The following RANBP17 variants were observed in gnomAD, a reference collection of about 807,000 sequenced individuals.
The protein encoded by RANBP17 is ran-binding protein 17.
RANBP17 carries 158 observed loss-of-function variants against 141.2 expected under a neutral mutation model. That is an observed-to-expected ratio of 1.12 (90% CI 0.98 to 1.28). The LOEUF (loss-of-function observed/expected upper bound fraction) is 1.28, where lower values mean the gene tolerates loss of function less well. RANBP17 is among the 50% of genes most tolerant of loss of function. The probability of loss-of-function intolerance (pLI) is 0.00; values close to 1 mark genes in which losing one functional copy is unlikely to be tolerated. For synonymous variants in RANBP17, 430 were observed against 450.0 expected (o/e 0.96, Z 0.56); for missense variants, 1,438 against 1,290.7 (o/e 1.11, Z -1.75).
chr5:170,918,851 A>G lies in RANBP17; in HGVS notation c.1093A>G (p.Ser365Gly), dbSNP rs1772196199. 6.4e-7 allele frequency: 1 copy of G among 1,572,858 alleles called. No individual in the cohort carries two copies. The highest frequency in any genetic ancestry group is 1.8e-5 in the Admixed American group (1 of 54,972). Residue 365 changes from serine (S) to glycine (G), a missense_variant, in exon 10 of 28, where the codon AGC becomes GGC. Physicochemically the swap from Ser to Gly is moderately conservative, Grantham distance 56. Coordinates refer to ENST00000523189, the MANE Select transcript of RANBP17 (RefSeq NM_022897.5). The stretch of plus-strand genomic sequence containing the variant: ...ATTGATTGCTAATTTTACCATTACT[A>G]GCCTACAGGTAGGTAAAAATATGTA... The part of the protein sequence containing the change: ...IRLIANFTIT[S>G]LQHWEFAPNS...
chr5:171,061,336 T>C (rs113577748), intron 14 of RANBP17, among the ~76,000 whole-genome samples: 75 of 152,168 alleles, frequency 4.9e-4, no homozygotes, highest in African/African-American at 1.1e-3. Flanking sequence ...GCTTTGAATG[T>C]GTCCCAGAGA....
intron 14 of RANBP17, among the ~76,000 whole-genome samples, chr5:170,983,700 G>A (rs190556210): frequency 2.6e-4 from 39 of 152,242 alleles, no homozygotes; most frequent in Middle Eastern, 3.4e-3. Flanking sequence ...TTTAAATCAT[G>A]TATGTGTATA....
intron 3 of RANBP17, among the ~76,000 whole-genome samples, chr5:170,887,797 C>T (rs985738346): frequency 2.0e-5 from 3 of 152,022 alleles, no homozygotes; most frequent in East Asian, 1.9e-4. Flanking sequence ...TGGTGAGGGC[C>T]GTCTTGGTGC....
intron 4 of RANBP17, 132 bp downstream of exon 4, chr5:170,892,685 C>T: frequency 3.0e-6 from 2 of 662,544 alleles, no homozygotes; most frequent in Non-Finnish European, 5.0e-6. Flanking sequence ...ATTATTTATC[C>T]TCTGGATCCT....
At chr5:171,283,908 C>G (rs1366551370) in intron 25 of RANBP17, among the ~76,000 whole-genome samples, 1 of 152,216 alleles carries the variant, frequency 6.6e-6, no homozygotes, top group Non-Finnish European at 1.5e-5. Flanking sequence ...GTCTCTCTCA[C>G]AGTCTCTTTC....
intron 18 of RANBP17, among the ~76,000 whole-genome samples, chr5:171,197,221 A>G: frequency 6.6e-6 from 1 of 152,324 alleles, no homozygotes; most frequent in Non-Finnish European, 1.5e-5. Context: ...TAATTGAGAA[A>G]TTACTTTTTA....
At chr5:171,179,773 A>G (rs1472009107) in intron 16 of RANBP17, among the ~76,000 whole-genome samples, 2 of 152,028 alleles carry the variant, frequency 1.3e-5, no homozygotes, top group African/African-American at 2.4e-5. Flanking sequence ...TTTGTTTTAC[A>G]ATCAGTGGTG....
At chr5:171,164,481 C>T (rs1277736748) in intron 14 of RANBP17, among the ~76,000 whole-genome samples, 1 of 151,994 alleles carries the variant, frequency 6.6e-6, no homozygotes, top group Admixed American at 6.6e-5. Flanking sequence ...AAGCTACTTG[C>T]AAATTCTACA....
At position 171,277,647 on chromosome 5, in the gene RANBP17, A is replaced by ATATATATATATATATT. The variant is rs1561823464; in HGVS notation, c.2943+11815_2943+11816insTTATATATATATATAT. 1.1e-3 allele frequency among the ~76,000 whole-genome samples: 111 copies of ATATATATATATATATT among 98,070 alleles called. 10 individuals carry two copies. Among genetic ancestry groups the ATATATATATATATATT allele is most frequent in the African/African-American group, 3.4e-3 (104 of 30,744 alleles). 64.3% of individuals were successfully genotyped at this position (98,070 alleles called of 152,430 possible). A position where few individuals can be genotyped will look rare whatever the true frequency, so the allele number is the denominator to read the frequency against. ...TATACATATATGTATGTATATATAT[A>ATATATATATATATATT]TATATATATATATATATATATTTAT... On this transcript the variant is annotated intron_variant, in intron 25 of 27. Coordinates refer to ENST00000523189, the MANE Select transcript of RANBP17 (RefSeq NM_022897.5).
intron 25 of RANBP17, among the ~76,000 whole-genome samples, chr5:171,266,926 AAAG>A (rs904461821): frequency 6.6e-6 from 1 of 152,084 alleles, no homozygotes; most frequent in Non-Finnish European, 1.5e-5. Flanking sequence ...AAAAAAGAAA[AAAG>A]AAAATTTAAA....
intron 12 of RANBP17, among the ~76,000 whole-genome samples, chr5:170,931,803 A>G (rs1324789722): frequency 6.6e-6 from 1 of 152,194 alleles, no homozygotes; most frequent in African/African-American, 2.4e-5. Flanking sequence ...TGTTTTGGTT[A>G]CTGTAGCCTT....
At chr5:170,951,260 G>A (rs745747254) in intron 12 of RANBP17, among the ~76,000 whole-genome samples, 2 of 151,980 alleles carry the variant, frequency 1.3e-5, no homozygotes, top group African/African-American at 2.4e-5. Context: ...GTGAATACTC[G>A]AGGCAATAGA....
At chr5:171,039,080 T>C (rs1431805312) in intron 14 of RANBP17, among the ~76,000 whole-genome samples, 1 of 152,164 alleles carries the variant, frequency 6.6e-6, no homozygotes, top group Non-Finnish European at 1.5e-5. Context: ...TCTTTTCTTT[T>C]GGTTATATAC....
intron 14 of RANBP17, among the ~76,000 whole-genome samples, chr5:171,169,847 G>GAAA (rs536105107): frequency 7.0e-6 from 1 of 142,916 alleles, no homozygotes; most frequent in African/African-American, 2.6e-5. Context: ...ACCACTTTGA[G>GAAA]AAAAAAAAAA....
chr5:171,256,419 AAAG>A (rs1192924254), intron 24 of RANBP17, among the ~76,000 whole-genome samples: 3 of 152,240 alleles, frequency 2.0e-5, no homozygotes, highest in Non-Finnish European at 4.4e-5. Context: ...TTGTGGAAAA[AAAG>A]AAGGAAGTTT....
intron 14 of RANBP17, among the ~76,000 whole-genome samples, chr5:171,120,856 G>A (rs539860807): frequency 1.3e-5 from 2 of 152,052 alleles, no homozygotes; most frequent in African/African-American, 4.8e-5. Flanking sequence ...TTATTAAGTC[G>A]GTTTGACAGA....
At chr5:171,082,926 T>C (rs554363377) in intron 14 of RANBP17, among the ~76,000 whole-genome samples, 1 of 151,874 alleles carries the variant, frequency 6.6e-6, no homozygotes, top group Admixed American at 6.6e-5. Flanking sequence ...TTACTTCTTG[T>C]TTCAAGGAAG....
At chr5:171,152,941 T>A (rs1280345374) in intron 14 of RANBP17, among the ~76,000 whole-genome samples, 2 of 152,212 alleles carry the variant, frequency 1.3e-5, no homozygotes, top group African/African-American at 2.4e-5. Context: ...AGATTTGACC[T>A]TAGGTCCTTC....
intron 1 of RANBP17, among the ~76,000 whole-genome samples, chr5:170,876,428 G>A (rs969903769): frequency 3.9e-5 from 6 of 152,166 alleles, no homozygotes; most frequent in African/African-American, 1.4e-4. Context: ...TAATTTTTAC[G>A]TATTCATGAA....
Sources: gnomAD v4.1 joint callset for allele counts (sites outside exome capture counted in the v4.1 genomes callset) on GRCh38, gnomAD v4.1.1 for gene constraint, MANE v1.5 for transcripts, NCBI Gene and HGNC (gene_info 2026-07-23, HGNC 2026-07-21) for gene names.